Variants in SDK1 observed in about 807,000 individuals in gnomAD.
SDK1 encodes protein sidekick-1.
In SDK1, 157 loss-of-function variants were observed where a neutral mutation model predicts 245.5. That is an observed-to-expected ratio of 0.64 (90% CI 0.56 to 0.73). The LOEUF (loss-of-function observed/expected upper bound fraction) is 0.73, where lower values mean the gene tolerates loss of function less well. SDK1 is among the 30% of genes least tolerant of loss of function. SDK1 has a pLI of 0.00. For missense variants in SDK1, 3,583 were observed against 3,002.3 expected, an observed-to-expected ratio of 1.19 and a Z score of -4.52; for synonymous variants, 1,647 against 1,278.5, an observed-to-expected ratio of 1.29 and a Z score of -6.15.
chr7:3,474,702 A>AT (rs1185615815), intron 1 of SDK1, among the ~76,000 whole-genome samples: 1 of 151,588 alleles, frequency 6.6e-6, no homozygotes, highest in African/African-American at 2.4e-5. Context: ...TTCTATTTTT[A>AT]TTTTTTGAGA....
At chr7:3,642,881 A>T (rs1226513116) in intron 4 of SDK1, 1 of 152,254 alleles carries the variant, frequency 6.6e-6, no homozygotes, top group Non-Finnish European at 1.5e-5. Flanking sequence ...TTAGGCCAGA[A>T]GTCAGATATT....
chr7:3,586,941 TGA>T (rs1168115220), intron 1 of SDK1, among the ~76,000 whole-genome samples: 2 of 151,998 alleles, frequency 1.3e-5, no homozygotes, highest in Non-Finnish European at 2.9e-5. Context: ...TGGTAAGCGT[TGA>T]GAGTGCATAC....
At chr7:3,916,545 C>T (rs1282093627) in intron 5 of SDK1, among the ~76,000 whole-genome samples, 1 of 152,136 alleles carries the variant, frequency 6.6e-6, no homozygotes, top group East Asian at 1.9e-4. Flanking sequence ...ATGTGATAGG[C>T]AAATCAGTTG....
At chr7:3,755,911 A>G (rs1431405303) in intron 4 of SDK1, among the ~76,000 whole-genome samples, 1 of 150,930 alleles carries the variant, frequency 6.6e-6, no homozygotes, top group African/African-American at 2.4e-5. Context: ...TCTGACTCAC[A>G]TGGCATAGCA....
intron 5 of SDK1, among the ~76,000 whole-genome samples, chr7:3,852,750 CAA>C (rs35116493): frequency 7.8e-4 from 22 of 28,128 alleles, no homozygotes; most frequent in South Asian, 2.8e-3. Flanking sequence ...GACTCCGTCT[CAA>C]AAAAAAAAAA....
chr7:3,605,461 C>A (rs537764266), intron 1 of SDK1, among the ~76,000 whole-genome samples: 1 of 152,144 alleles, frequency 6.6e-6, no homozygotes, highest in Admixed American at 6.5e-5. Context: ...CATGTAAGAC[C>A]TTCCTGTTTA....
At chr7:3,351,502 A>ACGG (rs1780659351) in intron 1 of SDK1, among the ~76,000 whole-genome samples, 1 of 152,210 alleles carries the variant, frequency 6.6e-6, no homozygotes, top group Non-Finnish European at 1.5e-5. Flanking sequence ...CTGCTAAAAG[A>ACGG]CACGTCAGAT....
At chr7:3,694,756 A>G (rs1784527642) in intron 4 of SDK1, among the ~76,000 whole-genome samples, 1 of 152,138 alleles carries the variant, frequency 6.6e-6, no homozygotes, top group African/African-American at 2.4e-5. Context: ...CCAGGAACCT[A>G]CGTTTTTACA....
rs1784326506 is a variant in SDK1 at position 4,208,096 on chromosome 7, C to T, written c.5215-3C>T. 6.2e-7 allele frequency: 1 copy of T among 1,609,714 alleles called. No homozygotes were observed. The highest frequency in any genetic ancestry group is 8.5e-7 in the Non-Finnish European group (1 of 1,177,780). On this transcript the variant is annotated splice_region_variant and splice_polypyrimidine_tract_variant and intron_variant, in intron 36 of 44. Transcript: ENST00000404826. ...CACCCCAACCTCTTGCTGTTCCTAACAGATTTACTACTGGGAGGCAGACAG... is the reference window on the plus strand; with the variant it reads ...CACCCCAACCTCTTGCTGTTCCTAATAGATTTACTACTGGGAGGCAGACAG...
chr7:3,656,017 G>A (rs769192049), intron 4 of SDK1, among the ~76,000 whole-genome samples: 24 of 152,190 alleles, frequency 1.6e-4, no homozygotes, highest in African/African-American at 2.4e-4. Flanking sequence ...ATGGTGTGGT[G>A]GGATTGTGAC....
At chr7:3,970,386 C>T (rs1366031536) in intron 11 of SDK1, among the ~76,000 whole-genome samples, 1 of 152,182 alleles carries the variant, frequency 6.6e-6, no homozygotes, top group Non-Finnish European at 1.5e-5. Flanking sequence ...TCCAAGTTCC[C>T]ACTATTCTGT....
At chr7:3,429,371 G>A (rs1020378506) in intron 1 of SDK1, among the ~76,000 whole-genome samples, 1 of 152,120 alleles carries the variant, frequency 6.6e-6, no homozygotes, top group Non-Finnish European at 1.5e-5. Flanking sequence ...AGATTATAGA[G>A]CTAGTAAGTA....
chr7:4,021,408 A>G (rs1352013219), intron 17 of SDK1, among the ~76,000 whole-genome samples: 3 of 152,134 alleles, frequency 2.0e-5, no homozygotes, highest in South Asian at 2.1e-4. Context: ...TTGCTTAGGA[A>G]TAGTGTCTGG....
At chr7:3,804,852 A>G (rs1303026377) in intron 4 of SDK1, among the ~76,000 whole-genome samples, 6 of 152,194 alleles carry the variant, frequency 3.9e-5, no homozygotes, top group Non-Finnish European at 7.3e-5. Context: ...TCACGTGTTC[A>G]TTGCTATTAT....
intron 40 of SDK1, among the ~76,000 whole-genome samples, chr7:4,230,510 G>A (rs1250594618): frequency 6.7e-6 from 1 of 149,784 alleles, no homozygotes; most frequent in African/African-American, 2.5e-5. Flanking sequence ...AAAGAAGGTT[G>A]GTTACATGGA....
At chr7:3,512,057 A>G (rs551301152) in intron 1 of SDK1, among the ~76,000 whole-genome samples, 16 of 151,858 alleles carry the variant, frequency 1.1e-4, no homozygotes, top group Middle Eastern at 3.4e-3. Flanking sequence ...GTGTGTATTC[A>G]TCATCACAGT....
intron 35 of SDK1, among the ~76,000 whole-genome samples, chr7:4,194,359 C>A (rs1255549934): frequency 9.3e-6 from 1 of 107,082 alleles, no homozygotes; most frequent in Admixed American, 8.5e-5. Context: ...TATATGTATG[C>A]ACGTATGTGT....
At chr7:3,323,675 G>C (rs956119267) in intron 1 of SDK1, among the ~76,000 whole-genome samples, 2 of 152,176 alleles carry the variant, frequency 1.3e-5, no homozygotes, top group Admixed American at 6.5e-5. Flanking sequence ...TCTGACTTAC[G>C]TTTTTAGTTG....
chr7:4,124,911 G>A (rs1438496347), intron 25 of SDK1, among the ~76,000 whole-genome samples: 3 of 151,114 alleles, frequency 2.0e-5, no homozygotes, highest in Non-Finnish European at 2.9e-5. Context: ...TGGATGGATG[G>A]ATGGATGGGT....
Sources: allele counts gnomAD v4.1 joint callset (sites outside exome capture counted in the v4.1 genomes callset), GRCh38; gene constraint gnomAD v4.1.1; transcripts MANE v1.5; gene names NCBI Gene and HGNC (gene_info 2026-07-23, HGNC 2026-07-21).